ZNF578: variants seen among roughly 807,000 people sequenced by gnomAD.
ZNF578 encodes the protein Putative chemokine-related protein B42.
A neutral mutation model predicts 8.3 loss-of-function variants in ZNF578; 8 were observed. The observed-to-expected ratio is 0.96, with a 90% confidence interval of 0.56 to 1.74. The LOEUF (loss-of-function observed/expected upper bound fraction) is 1.74. Ranked by LOEUF, ZNF578 falls within the 40% of genes most tolerant of loss-of-function variation. The pLI, the probability that ZNF578 is intolerant of heterozygous loss-of-function variation, is 0.00. For synonymous variants in ZNF578, 206 were observed against 232.2 expected, an observed-to-expected ratio of 0.89 and a Z score of 1.03; for missense variants, 726 against 707.5, an observed-to-expected ratio of 1.03 and a Z score of -0.30.
chr19:52,466,846 TGTCACACTGAGTTAAACAATA>T (rs2059276725), intron 2 of ZNF578, among the ~76,000 whole-genome samples: 1 of 152,182 alleles, frequency 6.6e-6, no homozygotes, highest in Admixed American at 6.5e-5. Flanking sequence ...TTTCCTACAC[TGTCACACTGAGTTAAACAATA>T]GTAAGCATAG....
At chr19:52,487,587 A>G (rs1273102114) in intron 2 of ZNF578, among the ~76,000 whole-genome samples, 6 of 152,162 alleles carry the variant, frequency 3.9e-5, no homozygotes, top group Non-Finnish European at 5.9e-5. Context: ...GGCAAGGGGT[A>G]GTGAAGTGGG....
chr19:52,455,495 A>G (rs572574139), intron 1 of ZNF578: 8 of 152,346 alleles, frequency 5.3e-5, no homozygotes, highest in Middle Eastern at 6.7e-3. Context: ...ACGCCCAGCC[A>G]CTGCCTTTCT....
intron 2 of ZNF578, chr19:52,473,445 AC>A (rs142833595): frequency 0.013 from 2,104 of 155,924 alleles, 50 homozygotes; most frequent in African/African-American, 0.047. Flanking sequence ...GTAAGGTGGA[AC>A]TTTTGTCTAA....
intron 2 of ZNF578, among the ~76,000 whole-genome samples, chr19:52,477,329 G>A (rs897586373): frequency 2.0e-5 from 3 of 152,162 alleles, no homozygotes; most frequent in African/African-American, 7.2e-5. Context: ...TGTGGTTGTG[G>A]TCTGAAATAT....
chr19:52,459,406 G>A (rs753702242), intron 2 of ZNF578, among the ~76,000 whole-genome samples: 4 of 151,948 alleles, frequency 2.6e-5, no homozygotes, highest in Non-Finnish European at 2.9e-5. Flanking sequence ...AGGTTCATCC[G>A]TGTTGTAGCA....
chr19:52,484,111 G>A (rs2059336560), intron 2 of ZNF578, among the ~76,000 whole-genome samples: 1 of 152,150 alleles, frequency 6.6e-6, no homozygotes, highest in Admixed American at 6.5e-5. Flanking sequence ...GAAAACTTGT[G>A]AACAAATGTC....
At chr19:52,459,023 T>C (rs1337151311) in intron 2 of ZNF578, among the ~76,000 whole-genome samples, 1 of 152,140 alleles carries the variant, frequency 6.6e-6, no homozygotes, top group Non-Finnish European at 1.5e-5. Context: ...TATATTTCTT[T>C]TGTGTTTGAA....
chr19:52,508,651 C>T (rs2059433689), intron 5 of ZNF578, among the ~76,000 whole-genome samples: 1 of 150,952 alleles, frequency 6.6e-6, no homozygotes, highest in Admixed American at 6.6e-5. Context: ...ACAAAATTAT[C>T]GAGTGTGGTG....
At chr19:52,494,078 G>A (rs902762521) in intron 3 of ZNF578, among the ~76,000 whole-genome samples, 1 of 152,014 alleles carries the variant, frequency 6.6e-6, no homozygotes, top group African/African-American at 2.4e-5. Context: ...TAAATAGCAG[G>A]AGAGGAGAGG....
At chr19:52,462,466 T>C (rs868406943) in intron 2 of ZNF578, among the ~76,000 whole-genome samples, 1 of 152,132 alleles carries the variant, frequency 6.6e-6, no homozygotes, top group Non-Finnish European at 1.5e-5. Flanking sequence ...TCCAACAAAG[T>C]GACAGACCTA....
intron 3 of ZNF578, among the ~76,000 whole-genome samples, chr19:52,501,449 C>T (rs1372806874): frequency 6.6e-6 from 1 of 152,218 alleles, no homozygotes; most frequent in Non-Finnish European, 1.5e-5. Context: ...CAGCATTGAG[C>T]ATGGAAGCTC....
rs35788845 is a variant in ZNF578, at chr19:52,514,962, C to CTTTT, written c.*2823_*2826dup. On this transcript the variant is annotated 3_prime_UTR_variant, in exon 6 of 6. Coordinates refer to ENST00000421239, the MANE Select transcript of ZNF578 (RefSeq NM_001099694.2). Reference sequence around the variant, plus strand: ...AGGCATGAGCTACCACGTCGAGACTCTTTTTTTTTTTTTTTTTTAGATGGA... The same window carrying CTTTT: ...AGGCATGAGCTACCACGTCGAGACTCTTTTTTTTTTTTTTTTTTTTTTAGATGGA... Among the ~76,000 whole-genome samples, 28 of 122,912 alleles carry CTTTT rather than the reference C, an allele frequency of 2.3e-4. No homozygotes were observed. The highest frequency in any genetic ancestry group is 7.8e-4 in the African/African-American group (25 of 32,244). 80.6% of individuals were successfully genotyped at this position (122,912 alleles called of 152,430 possible).
Position 52,506,462 on chromosome 19 carries a change from CTTTTTTTT to C in ZNF578, c.190+1697_190+1704del, listed in dbSNP as rs35676968. On this transcript the variant is annotated intron_variant, in intron 5 of 5. Coordinates refer to ENST00000421239, the MANE Select transcript of ZNF578 (RefSeq NM_001099694.2). ...CACATCTCTATTAAAAGTACAGTTTCTTTTTTTTTTTTTTTTTTTTTTTAAGATGGAGT... is the reference window on the plus strand; with the variant it reads ...CACATCTCTATTAAAAGTACAGTTTCTTTTTTTTTTTTTTTAAGATGGAGT... Among the ~76,000 whole-genome samples the C allele has an allele frequency of 2.2e-3, 235 of 109,152 alleles. 1 individual carries two copies. The highest frequency in any genetic ancestry group is 8.7e-3 in the South Asian group (25 of 2,860). 71.6% of individuals were successfully genotyped at this position (109,152 alleles called of 152,430 possible). A position where few individuals can be genotyped will look rare whatever the true frequency, so the allele number is the denominator to read the frequency against.
In ZNF578 at chr19:52,516,539, G is replaced by A. The variant is rs750200680; in HGVS notation, c.*4385G>A. Among the ~76,000 whole-genome samples, 3 of 152,212 alleles carry A rather than the reference G, an allele frequency of 2.0e-5. No individual in the cohort carries two copies. Among genetic ancestry groups the A allele is most frequent in the Non-Finnish European group, 4.4e-5 (3 of 68,036 alleles). On this transcript the variant is annotated 3_prime_UTR_variant, in exon 6 of 6. Coordinates refer to ENST00000421239, the MANE Select transcript of ZNF578 (RefSeq NM_001099694.2). ...CCATCGTATCCCCTGTCACCTGCACGTATACATCCAGATGGCCTGAAGCAA... is the reference window on the plus strand; with the variant it reads ...CCATCGTATCCCCTGTCACCTGCACATATACATCCAGATGGCCTGAAGCAA...
At position 52,514,590 on chromosome 19, in the gene ZNF578, C is replaced by G. The variant is rs1317159119; in HGVS notation, c.*2436C>G. 6.6e-6 allele frequency among the ~76,000 whole-genome samples: 1 copy of G among 152,146 alleles called. No homozygotes were observed. The highest frequency in any genetic ancestry group is 1.5e-5 in the Non-Finnish European group (1 of 68,026). On this transcript the variant is annotated 3_prime_UTR_variant, in exon 6 of 6. Coordinates refer to ENST00000421239, the MANE Select transcript of ZNF578 (RefSeq NM_001099694.2). ...ATTTATTGTGTGTTTCCCTCAAGGC[C>G]CTGTGGTCCATTCTGGAAAAATGTT... is the stretch of plus-strand genomic sequence containing the variant.
chr19:52,460,677 C>G (rs373498603), intron 2 of ZNF578, among the ~76,000 whole-genome samples: 8 of 152,018 alleles, frequency 5.3e-5, no homozygotes, highest in African/African-American at 1.7e-4. Context: ...GCTTTTCTTG[C>G]GTGTGCTTTT....
intron 2 of ZNF578, chr19:52,458,550 T>C (rs1316425569): frequency 6.7e-6 from 1 of 150,002 alleles, no homozygotes; most frequent in East Asian, 1.9e-4. Flanking sequence ...CTACATAGGT[T>C]TTATTATTTT....
chr19:52,502,233 C>G (rs1472799690), intron 4 of ZNF578, among the ~76,000 whole-genome samples: 4 of 152,122 alleles, frequency 2.6e-5, no homozygotes, highest in African/African-American at 9.7e-5. Flanking sequence ...CTGGATTGTT[C>G]AGGGGCCATA....
At chr19:52,487,544 A>G (rs1414040254) in intron 2 of ZNF578, among the ~76,000 whole-genome samples, 1 of 152,216 alleles carries the variant, frequency 6.6e-6, no homozygotes, top group Non-Finnish European at 1.5e-5. Flanking sequence ...TTCAGTTGTG[A>G]ATCACTGTCT....
Sources: gnomAD v4.1 joint callset for allele counts (sites outside exome capture counted in the v4.1 genomes callset) on GRCh38, gnomAD v4.1.1 for gene constraint, MANE v1.5 for transcripts, NCBI Gene and HGNC (gene_info 2026-07-23, HGNC 2026-07-21) for gene names.